Variants in PRRX2 observed in about 807,000 individuals in gnomAD.
PRRX2 encodes the protein paired related homeobox 2, also known as paired mesoderm homeobox protein 2.
Under a neutral mutation model 18.0 loss-of-function variants are expected in PRRX2, and 11 were observed. The observed-to-expected ratio is 0.61, with a 90% CI of 0.39 to 1.01. The LOEUF (loss-of-function observed/expected upper bound fraction) is 1.01. Among genes scored for constraint, PRRX2 ranks in the 50% least tolerant of loss-of-function variants. PRRX2 has a pLI of 0.01. For synonymous variants in PRRX2, 177 were observed against 154.8 expected (o/e 1.14, Z -1.06); for missense variants, 387 against 351.0 (o/e 1.10, Z -0.82).
chr9:129,698,937 A>G (rs1832462605), intron 1 of PRRX2, among the ~76,000 whole-genome samples: 1 of 152,184 alleles, frequency 6.6e-6, no homozygotes, highest in Non-Finnish European at 1.5e-5. Flanking sequence ...TAGAGGGAGG[A>G]TGCTGGCCCA....
rs972103003 is a variant in PRRX2 at position 129,671,216 on chromosome 9, G to C, written c.259+5090G>C. ...ATGTCTCAGCAGGAGCCGGGGAGCAGGGAGGGAGGAGGAGTGAGTGAGAGG... is the reference window on the plus strand; with the variant it reads ...ATGTCTCAGCAGGAGCCGGGGAGCACGGAGGGAGGAGGAGTGAGTGAGAGG... On this transcript the variant is annotated intron_variant, in intron 1 of 3. Coordinates refer to ENST00000372469, the MANE Select transcript of PRRX2 (RefSeq NM_016307.4). The surrounding 1 kb of genome is among the most constrained non-coding windows in gnomAD (Gnocchi z 4.0). Among the ~76,000 whole-genome samples, 1 of 152,228 alleles carries C rather than the reference G, an allele frequency of 6.6e-6. No individual in the cohort carries two copies. The highest frequency in any genetic ancestry group is 1.5e-5 in the Non-Finnish European group (1 of 68,038).
In PRRX2 at chr9:129,696,401, C is replaced by T. The variant is rs140166397; in HGVS notation, c.260-22830C>T. ...ACCAGCCTGGGCAACATGGTGAAACCCCGTCTCTACAAAAAATACAAAAAT... is the reference window on the plus strand; with the variant it reads ...ACCAGCCTGGGCAACATGGTGAAACTCCGTCTCTACAAAAAATACAAAAAT... On this transcript the variant is annotated intron_variant, in intron 1 of 3. Transcript: ENST00000372469. 7.9e-4 allele frequency among the ~76,000 whole-genome samples: 120 copies of T among 152,102 alleles called. 2 individuals are homozygous for T. In the East Asian group the frequency reaches 0.018, roughly 23 times the overall value.
chr9:129,703,370 T>C (rs1482284991), intron 1 of PRRX2, among the ~76,000 whole-genome samples: 1 of 152,156 alleles, frequency 6.6e-6, no homozygotes. Context: ...GCCCAGGAGC[T>C]CTTAAATGGG....
chr9:129,704,746 G>T (rs1261228284), intron 1 of PRRX2, among the ~76,000 whole-genome samples: 3 of 152,158 alleles, frequency 2.0e-5, no homozygotes, highest in South Asian at 2.1e-4. Context: ...TCCTCGAGAC[G>T]ACAAGAATGA....
chr9:129,672,882 GTTCATTCATTCA>G lies in PRRX2; in HGVS notation c.259+6788_259+6799del, dbSNP rs3054758. On this transcript the variant is annotated intron_variant, in intron 1 of 3. Transcript: ENST00000372469. Reference sequence around the variant, plus strand: ...CCCTCCATCCCCAGCTCCCGCACTTGTTCATTCATTCATTCATTCATTCATTCATTCATTCAT... The same window carrying G: ...CCCTCCATCCCCAGCTCCCGCACTTGTTCATTCATTCATTCATTCATTCAT... Among the ~76,000 whole-genome samples the G allele has an allele frequency of 9.0e-4, 135 of 150,130 alleles. 1 individual carries two copies. The South Asian group carries it at 0.01, about 11-fold the overall frequency.
chr9:129,699,459 G>A (rs932122766), intron 1 of PRRX2, among the ~76,000 whole-genome samples: 2 of 151,638 alleles, frequency 1.3e-5, no homozygotes, highest in African/African-American at 4.8e-5. Flanking sequence ...GTGTGTGTGT[G>A]TGTGTGTGTG....
intron 1 of PRRX2, among the ~76,000 whole-genome samples, chr9:129,680,996 G>C (rs1035597108): frequency 2.0e-5 from 3 of 152,268 alleles, no homozygotes; most frequent in African/African-American, 4.8e-5. Context: ...CTGTGGCTAA[G>C]ACGACCTTGG....
At chr9:129,696,823 G>A (rs990550914) in intron 1 of PRRX2, among the ~76,000 whole-genome samples, 2 of 152,052 alleles carry the variant, frequency 1.3e-5, no homozygotes, top group African/African-American at 4.8e-5. Context: ...ACAGAGGGAG[G>A]GCAAGGGAGG....
intron 1 of PRRX2, among the ~76,000 whole-genome samples, chr9:129,691,215 T>C (rs1050746205): frequency 6.6e-6 from 1 of 150,978 alleles, no homozygotes; most frequent in Non-Finnish European, 1.5e-5. Context: ...CGGGAACCTG[T>C]AATCCCAGCT....
Position 129,709,552 on chromosome 9 carries a change from C to T in PRRX2, c.260-9679C>T, listed in dbSNP as rs1472952687. Among the ~76,000 whole-genome samples, 4 of 152,190 alleles carry T rather than the reference C, an allele frequency of 2.6e-5. No homozygotes were observed. The highest frequency in any genetic ancestry group is 5.9e-5 in the Non-Finnish European group (4 of 68,028). On this transcript the variant is annotated intron_variant, in intron 1 of 3. Transcript: ENST00000372469. This position sits in a 1 kb window ranked among gnomAD's most constrained non-coding sequence, Gnocchi z 4.2. ...TGCCTCTCGCTCTTGTGTGCTGTGC[C>T]GAGGCCGGGGAAGCCATGGGATGGG...
At chr9:129,678,043 A>C (rs1361237646) in intron 1 of PRRX2, among the ~76,000 whole-genome samples, 6 of 145,140 alleles carry the variant, frequency 4.1e-5, no homozygotes, top group Non-Finnish European at 7.4e-5. Context: ...GGCTCGCTAC[A>C]ACCTCCGCCT....
intron 1 of PRRX2, among the ~76,000 whole-genome samples, chr9:129,666,450 G>C (rs936710728): frequency 7.2e-5 from 11 of 152,174 alleles, no homozygotes; most frequent in Admixed American, 2.6e-4. Flanking sequence ...GACCTGAGTC[G>C]GGCAAAGCCG....
intron 1 of PRRX2, among the ~76,000 whole-genome samples, chr9:129,694,915 G>A (rs949537171): frequency 6.6e-6 from 1 of 152,168 alleles, no homozygotes; most frequent in East Asian, 1.9e-4. Flanking sequence ...TTCTGGCCTG[G>A]GGGATTCAGC....
At chr9:129,679,438 C>G (rs1832201117) in intron 1 of PRRX2, among the ~76,000 whole-genome samples, 1 of 152,180 alleles carries the variant, frequency 6.6e-6, no homozygotes, top group Non-Finnish European at 1.5e-5. Context: ...GTGCTACACC[C>G]TCTGCATGGA....
At chr9:129,676,675 C>T (rs1832165447) in intron 1 of PRRX2, among the ~76,000 whole-genome samples, 1 of 152,210 alleles carries the variant, frequency 6.6e-6, no homozygotes, top group Non-Finnish European at 1.5e-5. Flanking sequence ...CTCACTGAGG[C>T]CAGGCAACCC....
intron 1 of PRRX2, among the ~76,000 whole-genome samples, chr9:129,712,125 A>G (rs1832631158): frequency 6.6e-6 from 1 of 152,190 alleles, no homozygotes; most frequent in African/African-American, 2.4e-5. Context: ...CCCAGTGTTA[A>G]TTTGTTAAAT....
rs1832591912 is a variant in PRRX2 at position 129,709,305 on chromosome 9, C to T, written c.260-9926C>T. Among the ~76,000 whole-genome samples the T allele has an allele frequency of 6.6e-6, 1 of 152,176 alleles. No individual in the cohort carries two copies. On this transcript the variant is annotated intron_variant, in intron 1 of 3. Transcript: ENST00000372469. The surrounding 1 kb of genome is among the most constrained non-coding windows in gnomAD (Gnocchi z 4.2). The stretch of plus-strand genomic sequence containing the variant: ...ATGTCATGTATTTAGGGGTGAGGCT[C>T]CCGACCCCAGAGAGACCCAGATACA...
intron 1 of PRRX2, among the ~76,000 whole-genome samples, chr9:129,688,841 G>A (rs1227725418): frequency 1.3e-5 from 2 of 152,198 alleles, no homozygotes; most frequent in Non-Finnish European, 2.9e-5. Flanking sequence ...CTCTTCACCA[G>A]TTCACACAGC....
At chr9:129,667,516 G>A (rs117326078) in intron 1 of PRRX2, among the ~76,000 whole-genome samples, 3,426 of 152,206 alleles carry the variant, frequency 0.023, 66 homozygotes, top group Non-Finnish European at 0.032. Flanking sequence ...GGAACAACTT[G>A]AAGGTGAAGG....
Sources: gnomAD v4.1 joint callset for allele counts (sites outside exome capture counted in the v4.1 genomes callset) on GRCh38, gnomAD v4.1.1 for gene constraint, Gnocchi (gnomAD v3.1) non-coding constraint, MANE v1.5 for transcripts, NCBI Gene and HGNC (gene_info 2026-07-23, HGNC 2026-07-21) for gene names.